The following LRIG2 variants were observed in gnomAD, a reference collection of about 807,000 sequenced individuals.
The protein encoded by LRIG2 is leucine-rich repeats and immunoglobulin-like domains protein 2.
Under a neutral mutation model 107.8 loss-of-function variants are expected in LRIG2, and 93 were observed. The observed-to-expected ratio is 0.86, with a 90% CI of 0.73 to 1.03. LRIG2 has a LOEUF of 1.03. Among genes scored for constraint, LRIG2 ranks in the 50% least tolerant of loss-of-function variants. The pLI is 0.00. For missense variants in LRIG2, 1,226 were observed against 1,296.0 expected, an observed-to-expected ratio of 0.95 and a Z score of 0.83; for synonymous variants, 471 against 470.6, an observed-to-expected ratio of 1.00 and a Z score of -0.01.
intron 13 of LRIG2, among the ~76,000 whole-genome samples, chr1:113,111,354 G>A (rs1364971319): frequency 5.3e-5 from 8 of 152,144 alleles, no homozygotes; most frequent in Non-Finnish European, 1.0e-4. Context: ...GTACCTTTTG[G>A]GGTACAAGTG....
chr1:113,110,642 ACTAAAT>A, intron 13 of LRIG2, 80 bp downstream of exon 13: 1 of 987,760 alleles, frequency 1.0e-6, no homozygotes, highest in Admixed American at 2.5e-5. Flanking sequence ...AGAGAATTAG[ACTAAAT>A]CTGACATTTA....
Position 113,097,879 on chromosome 1 carries a change from C to T in LRIG2, c.1092-826C>T, listed in dbSNP as rs557327958. Among the ~76,000 whole-genome samples, 12 of 152,042 alleles carry T rather than the reference C, an allele frequency of 7.9e-5. 1 individual carries two copies. The South Asian group carries it at 2.5e-3, about 32-fold the overall frequency. Reference sequence around the variant, plus strand: ...CCATTGGTTCTTTCATTATTTATTCCTTAGTAAAATAAAATGAGCTTTATT... The same window carrying T: ...CCATTGGTTCTTTCATTATTTATTCTTTAGTAAAATAAAATGAGCTTTATT... On this transcript the variant is annotated intron_variant, in intron 8 of 17. Transcript: ENST00000361127.
At chr1:113,095,430 GAT>G (rs1300624370) in intron 6 of LRIG2, among the ~76,000 whole-genome samples, 1 of 151,918 alleles carries the variant, frequency 6.6e-6, no homozygotes, top group East Asian at 1.9e-4. Context: ...TCGTTGTTGA[GAT>G]AGAGTCTTGC....
chr1:113,126,032 T>C lies in LRIG2; in HGVS notation c.*1931T>C, dbSNP rs1307957512. ...TCCCCATGATGAACTCTTCCTACTA[T>C]CACAATCAGGACTATGACTGGATTT... is the stretch of plus-strand genomic sequence containing the variant. On this transcript the variant is annotated 3_prime_UTR_variant, in exon 18 of 18. Coordinates refer to ENST00000361127, the MANE Select transcript of LRIG2 (RefSeq NM_014813.3). The C allele has an allele frequency of 1.3e-5, 2 of 152,188 alleles. No homozygotes were observed. The highest frequency in any genetic ancestry group is 3.8e-4 in the East Asian group (2 of 5,198). The allele number at this position is 152,188 out of a possible 1,614,324, so 9.4% of individuals were successfully genotyped here. A position where few individuals can be genotyped will look rare whatever the true frequency, so the allele number is the denominator to read the frequency against.
At chr1:113,110,018 G>T (rs983529501) in intron 12 of LRIG2, among the ~76,000 whole-genome samples, 3 of 152,126 alleles carry the variant, frequency 2.0e-5, no homozygotes, top group Non-Finnish European at 4.4e-5. Context: ...TCCAATCCAG[G>T]CTCTGCCACT....
intron 1 of LRIG2, among the ~76,000 whole-genome samples, chr1:113,086,000 G>GTTTTTTTTTTTTTTTTTTTTTT (rs34131524): frequency 1.5e-5 from 1 of 65,004 alleles, no homozygotes. Context: ...TAACCCTGAG[G>GTTTTTTTTTTTTTTTTTTTTTT]TTTTTTTTTT....
intron 1 of LRIG2, among the ~76,000 whole-genome samples, chr1:113,077,201 G>C (rs1489191436): frequency 6.6e-6 from 1 of 151,536 alleles, no homozygotes; most frequent in African/African-American, 2.4e-5. Context: ...CTGGAGTGAA[G>C]CAGCCTGATC....
At position 113,119,375 on chromosome 1, in the gene LRIG2, G is replaced by A. The variant is rs757458971; in HGVS notation, c.2823G>A (p.Met941Ile). ...DQTLSSLMVQ[M>I]PKETYLVHPP... is the part of the protein sequence containing the mutation. ...CACTGTCCAGCCTCATGGTCCAAAT[G>A]CCTAAAGAGACATATTTAGTACATC... The change falls in exon 17 of 18, where the codon ATG becomes ATA. Residue 941 changes from methionine (M) to isoleucine (I), a missense_variant. By Grantham distance (10) the Met-to-Ile change is conservative. Around this residue, in one of 3 missense-constraint regions of LRIG2, gnomAD observed 642 missense variants for 712.2 expected, o/e 0.90. Coordinates refer to ENST00000361127, the MANE Select transcript of LRIG2 (RefSeq NM_014813.3). 6.2e-7 allele frequency: 1 copy of A among 1,613,968 alleles called. No individual in the cohort carries two copies. Among genetic ancestry groups the A allele is most frequent in the East Asian group, 2.2e-5 (1 of 44,866 alleles).
intron 16 of LRIG2, among the ~76,000 whole-genome samples, chr1:113,116,646 G>A (rs533056678): frequency 6.6e-6 from 1 of 152,298 alleles, no homozygotes; most frequent in South Asian, 2.1e-4. Context: ...CATTAAACAA[G>A]AGATCAGAGT....
chr1:113,099,653 A>G (rs568956488), intron 9 of LRIG2, among the ~76,000 whole-genome samples: 33 of 152,318 alleles, frequency 2.2e-4, no homozygotes, highest in Admixed American at 5.9e-4. Context: ...TTTCTATTCA[A>G]GTAAAAGGAA....
At position 113,077,983 on chromosome 1, in the gene LRIG2, G is replaced by A. The variant is rs547360141; in HGVS notation, c.239+4338G>A. 7.5e-4 allele frequency among the ~76,000 whole-genome samples: 111 copies of A among 148,758 alleles called. 3 individuals carry two copies. In the South Asian group the frequency reaches 0.022, roughly 30 times the overall value. On this transcript the variant is annotated intron_variant, in intron 1 of 17. Coordinates refer to ENST00000361127, the MANE Select transcript of LRIG2 (RefSeq NM_014813.3). ...TCCCACCTATGAGTGAGAACATGTG[G>A]TGTTTGGTTTTTTGTCCTTGCAATA...
rs752615549 is a variant in LRIG2 at position 113,124,038 on chromosome 1, A to G, written c.3135A>G (p.Leu1045=). The change falls in exon 18 of 18, where the codon TTA becomes TTG. Residue 1045 remains leucine (L), a synonymous_variant. Transcript: ENST00000361127. ...CSASSMSCHR[L]QDHAFDFSRT... is the part of the protein sequence containing the mutation. ...CTTCTTCCATGTCCTGCCACAGGTT[A>G]CAGGATCATGCTTTTGATTTTAGTA... The G allele has an allele frequency of 1.9e-6, 3 of 1,614,048 alleles. No homozygotes were observed. In the Admixed American group the frequency reaches 5.0e-5, roughly 27 times the overall value.
chr1:113,114,886 A>C lies in LRIG2; in HGVS notation c.2530+10A>C. 1 of 1,583,122 alleles carries C rather than the reference A, an allele frequency of 6.3e-7. No homozygotes were observed. The highest frequency in any genetic ancestry group is 8.6e-7 in the Non-Finnish European group (1 of 1,163,798). On this transcript the variant is annotated intron_variant, in intron 15 of 17. Coordinates refer to ENST00000361127, the MANE Select transcript of LRIG2 (RefSeq NM_014813.3). The stretch of plus-strand genomic sequence containing the variant: ...AGTATCACAAACACAGGTAAGTAGT[A>C]CCCACATGACACCTATGGCTTGTAC...
intron 1 of LRIG2, among the ~76,000 whole-genome samples, chr1:113,085,957 G>A (rs1653528390): frequency 6.8e-6 from 1 of 146,844 alleles, no homozygotes; most frequent in African/African-American, 2.5e-5. Context: ...TCATAAGCAC[G>A]TTAAATCACA....
In LRIG2 at chr1:113,114,447, C is replaced by G. The variant is rs761666766; in HGVS notation, c.2101C>G (p.Pro701Ala). The change falls in exon 15 of 18, where the codon CCC becomes GCC. Residue 701 changes from proline to alanine, a missense_variant. Pro to Ala is a conservative substitution (Grantham distance 27). Transcript: ENST00000361127. ...GTTAGAGACACCCTCATTTATTAGA[C>G]CCCTGGAGGATAAGACAGTAACACG... Reference protein sequence around the residue: ...TVLETPSFIRPLEDKTVTRGE... With the variant: ...TVLETPSFIRALEDKTVTRGE... The G allele has an allele frequency of 5.6e-6, 9 of 1,607,538 alleles. No individual in the cohort carries two copies. Among genetic ancestry groups the G allele is most frequent in the Non-Finnish European group, 6.8e-6 (8 of 1,176,420 alleles).
At chr1:113,095,563 C>T (rs140098571) in intron 6 of LRIG2, among the ~76,000 whole-genome samples, 1,818 of 152,122 alleles carry the variant, frequency 0.012, 10 homozygotes, top group South Asian at 0.036. Context: ...CGCGCGCCAC[C>T]GTGCCCAGTT....
In LRIG2 at chr1:113,100,154, AT is replaced by A. The variant is rs922328296; in HGVS notation, c.1173-56del. The A allele has an allele frequency of 8.6e-6, 9 of 1,044,738 alleles. No homozygotes were observed. In the African/African-American group the frequency reaches 1.4e-4, roughly 17 times the overall value. The allele number at this position is 1,044,738 out of a possible 1,614,324, so 64.7% of individuals were successfully genotyped here. A position where few individuals can be genotyped will look rare whatever the true frequency, so the allele number is the denominator to read the frequency against. On this transcript the variant is annotated intron_variant, in intron 9 of 17. Coordinates refer to ENST00000361127, the MANE Select transcript of LRIG2 (RefSeq NM_014813.3). Reference sequence around the variant, plus strand: ...TTCACTTTTTATAGGTAAATGTTTAATGAATTTAATTTTGTTTAGTGGAGAG... The same window carrying A: ...TTCACTTTTTATAGGTAAATGTTTAAGAATTTAATTTTGTTTAGTGGAGAG...
chr1:113,085,118 A>T (rs1653489723), intron 1 of LRIG2, among the ~76,000 whole-genome samples: 1 of 152,224 alleles, frequency 6.6e-6, no homozygotes, highest in African/African-American at 2.4e-5. Context: ...TGCCTTCCTC[A>T]GCCTTTCCCA....
intron 14 of LRIG2, among the ~76,000 whole-genome samples, chr1:113,113,069 C>T (rs566248829): frequency 3.0e-4 from 46 of 152,220 alleles, no homozygotes; most frequent in Middle Eastern, 3.4e-3. Flanking sequence ...GGTGTGTTTA[C>T]TATTCACTGA....
Sources: allele counts gnomAD v4.1 joint callset (sites outside exome capture counted in the v4.1 genomes callset), GRCh38; gene constraint gnomAD v4.1.1; regional missense constraint gnomAD v4.1.1; transcripts MANE v1.5; gene names NCBI Gene and HGNC (gene_info 2026-07-23, HGNC 2026-07-21).